The following TRPM3 variants were observed in gnomAD, a reference collection of about 807,000 sequenced individuals.
TRPM3 encodes the protein long transient receptor potential channel 3.
TRPM3 carries 77 observed loss-of-function variants against 181.2 expected under a neutral mutation model. The ratio of observed to expected loss-of-function variants is 0.42; its 90% CI spans 0.35 to 0.51. The LOEUF is 0.51. Among genes scored for constraint, TRPM3 ranks in the 20% least tolerant of loss-of-function variants. TRPM3 has a pLI of 0.01. For missense variants in TRPM3, 1,759 were observed against 2,196.7 expected, an observed-to-expected ratio of 0.80 and a Z score of 3.98; for synonymous variants, 745 against 796.4, an observed-to-expected ratio of 0.94 and a Z score of 1.09.
At chr9:70,595,518 C>G (rs567188889) in intron 21 of TRPM3, among the ~76,000 whole-genome samples, 1 of 152,162 alleles carries the variant, frequency 6.6e-6, no homozygotes, top group Non-Finnish European at 1.5e-5. Flanking sequence ...ATACAGCCCA[C>G]GATATCAGCA....
At chr9:70,938,768 C>T (rs1162098026) in intron 1 of TRPM3, among the ~76,000 whole-genome samples, 1 of 151,836 alleles carries the variant, frequency 6.6e-6, no homozygotes, top group Non-Finnish European at 1.5e-5. Flanking sequence ...CTGGCTAACA[C>T]AGCGAAACCC....
At chr9:71,041,197 T>G (rs1451986421) in intron 1 of TRPM3, among the ~76,000 whole-genome samples, 1 of 151,848 alleles carries the variant, frequency 6.6e-6, no homozygotes, top group Non-Finnish European at 1.5e-5. Context: ...CAGAAGGAAA[T>G]TGGGTGTGCA....
chr9:71,281,190 C>A (rs1235875277), intron 1 of TRPM3, among the ~76,000 whole-genome samples: 1 of 152,178 alleles, frequency 6.6e-6, no homozygotes, highest in East Asian at 1.9e-4. Context: ...TGACAAGGAC[C>A]AACCCTGGTT....
chr9:70,635,273 A>G lies in TRPM3; in HGVS notation c.1582-12T>C. ...GAGGGCCCATGTCTCTGAAAACAAT[A>G]AAGAAGAATCAAACAGTTTTGCTAG... On this transcript the variant is annotated splice_polypyrimidine_tract_variant and intron_variant, in intron 11 of 25. Coordinates refer to ENST00000677713, the MANE Select transcript of TRPM3 (RefSeq NM_001366145.2). 1 of 1,613,542 alleles carries G rather than the reference A, an allele frequency of 6.2e-7. No individual in the cohort carries two copies. The highest frequency in any genetic ancestry group is 8.5e-7 in the Non-Finnish European group (1 of 1,179,628).
In TRPM3 at chr9:71,032,566, A is replaced by G. The variant is rs530670790; in HGVS notation, c.177+88612T>C. Reference sequence around the variant, plus strand: ...TGAGGTATTTCATTTCTTAATAAGCAAAGACATGCTGGATTAATCATTGAG... The same window carrying G: ...TGAGGTATTTCATTTCTTAATAAGCGAAGACATGCTGGATTAATCATTGAG... On this transcript the variant is annotated intron_variant, in intron 1 of 25. Coordinates refer to ENST00000677713, the MANE Select transcript of TRPM3 (RefSeq NM_001366145.2). Among the ~76,000 whole-genome samples, 3 of 152,270 alleles carry G rather than the reference A, an allele frequency of 2.0e-5. No homozygotes were observed. The South Asian group carries it at 6.2e-4, about 32-fold the overall frequency.
intron 1 of TRPM3, among the ~76,000 whole-genome samples, chr9:71,219,949 G>A (rs2080130530): frequency 6.6e-6 from 1 of 152,092 alleles, no homozygotes; most frequent in South Asian, 2.1e-4. Context: ...ATTTCAAAAT[G>A]GATTATATTC....
At chr9:70,889,946 C>G (rs981586392) in intron 1 of TRPM3, among the ~76,000 whole-genome samples, 2 of 147,698 alleles carry the variant, frequency 1.4e-5, no homozygotes. Flanking sequence ...ATGCTATATA[C>G]TATATATAAC....
intron 1 of TRPM3, among the ~76,000 whole-genome samples, chr9:71,241,713 C>T (rs781764306): frequency 1.6e-4 from 24 of 151,950 alleles, no homozygotes; most frequent in Non-Finnish European, 2.9e-4. Flanking sequence ...AATTCTATTC[C>T]GTAACATATT....
chr9:71,072,702 T>C (rs2133576412), intron 1 of TRPM3, among the ~76,000 whole-genome samples: 1 of 152,248 alleles, frequency 6.6e-6, no homozygotes, highest in Middle Eastern at 3.4e-3. Flanking sequence ...AGGGTCGTAA[T>C]CAACTCAGTA....
intron 6 of TRPM3, among the ~76,000 whole-genome samples, chr9:70,790,710 A>G (rs1182000200): frequency 6.6e-6 from 1 of 152,130 alleles, no homozygotes; most frequent in African/African-American, 2.4e-5. Flanking sequence ...TGTGGTCTGG[A>G]AAGTGTGAGA....
intron 5 of TRPM3, among the ~76,000 whole-genome samples, chr9:70,836,706 A>T (rs2094345566): frequency 6.6e-6 from 1 of 152,142 alleles, no homozygotes; most frequent in Admixed American, 6.6e-5. Context: ...ATCCATTAAA[A>T]GCTGGAGACC....
chr9:70,797,747 G>C (rs1045145477), intron 6 of TRPM3, among the ~76,000 whole-genome samples: 2 of 152,104 alleles, frequency 1.3e-5, no homozygotes, highest in Non-Finnish European at 2.9e-5. Context: ...AAAGACTAAC[G>C]GTTTGCTCAG....
chr9:70,975,331 C>T (rs1036042267), intron 1 of TRPM3, among the ~76,000 whole-genome samples: 5 of 152,158 alleles, frequency 3.3e-5, no homozygotes, highest in African/African-American at 7.2e-5. Context: ...GAGCTTGTTA[C>T]TTGTACCACA....
chr9:70,571,553 C>CT (rs2052381042), intron 22 of TRPM3, among the ~76,000 whole-genome samples: 1 of 152,002 alleles, frequency 6.6e-6, no homozygotes, highest in Non-Finnish European at 1.5e-5. Context: ...ACCATATGCA[C>CT]TTTTTGAGAG....
chr9:70,945,527 G>C (rs974819573), intron 1 of TRPM3, among the ~76,000 whole-genome samples: 40 of 152,048 alleles, frequency 2.6e-4, no homozygotes, highest in Non-Finnish European at 5.3e-4. Flanking sequence ...TAAACTAGTG[G>C]GTAATGTGAA....
chr9:70,774,827 G>A (rs1474401078), intron 7 of TRPM3: 1 of 152,056 alleles, frequency 6.6e-6, no homozygotes, highest in African/African-American at 2.4e-5. Context: ...CTCTAAGAGA[G>A]TTGTCCAACA....
chr9:70,638,921 G>C, intron 11 of TRPM3, 139 bp downstream of exon 11: 2 of 977,578 alleles, frequency 2.0e-6, no homozygotes, highest in Admixed American at 5.2e-5. Context: ...CATCTATGTA[G>C]GTCTAAGGGA....
intron 1 of TRPM3, among the ~76,000 whole-genome samples, chr9:71,378,829 A>G (rs2092725115): frequency 6.6e-6 from 1 of 152,070 alleles, no homozygotes; most frequent in Non-Finnish European, 1.5e-5. Flanking sequence ...CAGCCTTTAT[A>G]CTAAATACTA....
intron 1 of TRPM3, among the ~76,000 whole-genome samples, chr9:71,417,378 C>A (rs2093652561): frequency 6.6e-6 from 1 of 151,840 alleles, no homozygotes; most frequent in African/African-American, 2.4e-5. Context: ...ACTTGAATTT[C>A]CCTGATAAAC....
Sources: allele counts gnomAD v4.1 joint callset (sites outside exome capture counted in the v4.1 genomes callset), GRCh38; gene constraint gnomAD v4.1.1; transcripts MANE v1.5; gene names NCBI Gene and HGNC (gene_info 2026-07-23, HGNC 2026-07-21).